The following TAF15 variants were observed in gnomAD, a reference collection of about 807,000 sequenced individuals.
The protein encoded by TAF15 is TATA-box binding protein associated factor 15.
A neutral mutation model predicts 102.5 loss-of-function variants in TAF15; 37 were observed. The ratio of observed to expected loss-of-function variants is 0.36; its 90% CI spans 0.28 to 0.47. TAF15 has a LOEUF of 0.47. Among genes scored for constraint, TAF15 ranks in the 20% least tolerant of loss-of-function variants. The pLI is 0.99. For missense variants in TAF15, 652 were observed against 760.7 expected, an observed-to-expected ratio of 0.86 and a Z score of 1.68; for synonymous variants, 273 against 259.2, an observed-to-expected ratio of 1.05 and a Z score of -0.51.
chr17:35,834,662 A>G (rs1292834390), intron 9 of TAF15, 64 bp downstream of exon 9: 7 of 1,533,520 alleles, frequency 4.6e-6, no homozygotes, highest in Non-Finnish European at 6.3e-6. Flanking sequence ...TTTGATGGGA[A>G]AAGTGTGTGT....
intron 7 of TAF15, among the ~76,000 whole-genome samples, chr17:35,828,743 AT>A (rs1188861374): frequency 6.7e-6 from 1 of 149,554 alleles, no homozygotes; most frequent in African/African-American, 2.5e-5. Context: ...GTCAAATTCC[AT>A]TTCCCCCTCC....
intron 10 of TAF15, among the ~76,000 whole-genome samples, chr17:35,837,127 A>T (rs894636036): frequency 2.4e-4 from 36 of 152,054 alleles, no homozygotes; most frequent in African/African-American, 7.7e-4. Flanking sequence ...GGAATTAATT[A>T]CACACAAAAT....
chr17:35,817,823 T>C lies in TAF15; in HGVS notation c.47+68T>C. ...GAGGTGAATTTTGTCAAGCTTCTTC[T>C]CTTGAGACTTGATGCTGGATGTCAT... On this transcript the variant is annotated intron_variant, in intron 2 of 15. Transcript: ENST00000605844. 3.0e-6 allele frequency: 4 copies of C among 1,354,464 alleles called. 1 individual carries two copies. In the South Asian group the frequency reaches 4.7e-5, roughly 16 times the overall value. The allele number at this position is 1,354,464 out of a possible 1,614,324, so 83.9% of individuals were successfully genotyped here.
chr17:35,835,639 C>T (rs2087464719), intron 9 of TAF15, among the ~76,000 whole-genome samples: 1 of 152,210 alleles, frequency 6.6e-6, no homozygotes, highest in African/African-American at 2.4e-5. Context: ...TACAAGGTGC[C>T]TCCGCACTCT....
intron 7 of TAF15, among the ~76,000 whole-genome samples, chr17:35,832,772 T>G (rs2087422675): frequency 1.3e-5 from 2 of 152,190 alleles, no homozygotes; most frequent in South Asian, 4.1e-4. Context: ...TGGATGGGTA[T>G]TTAAAGAGTT....
Position 35,809,517 on chromosome 17 carries a change from C to T in TAF15, c.-53C>T, listed in dbSNP as rs1323851397. ...TCCGGCCGCCGCGCCGCCTGGCTTT[C>T]GTATTCGTTGTTCTCGGCGGGCTGT... On this transcript the variant is annotated 5_prime_UTR_variant, in exon 1 of 16. Transcript: ENST00000605844. The T allele has an allele frequency of 1.6e-5, 25 of 1,611,884 alleles. No individual in the cohort carries two copies. The highest frequency in any genetic ancestry group is 4.5e-5 in the East Asian group (2 of 44,872).
rs1327485197 is a variant in TAF15, at chr17:35,809,486, T to G, written c.-84T>G. On this transcript the variant is annotated 5_prime_UTR_variant, in exon 1 of 16. Coordinates refer to ENST00000605844, the MANE Select transcript of TAF15 (RefSeq NM_139215.3). ...CCTCAGCCCGCCGCGCCGCCCTCAGTACAGCTCCGGCCGCCGCGCCGCCTG... is the reference window on the plus strand; with the variant it reads ...CCTCAGCCCGCCGCGCCGCCCTCAGGACAGCTCCGGCCGCCGCGCCGCCTG... 8 of 1,595,732 alleles carry G rather than the reference T, an allele frequency of 5.0e-6. No individual in the cohort carries two copies. Among genetic ancestry groups the G allele is most frequent in the Admixed American group, 1.7e-5 (1 of 59,414 alleles).
At chr17:35,836,386 T>G (rs2087475378) in intron 10 of TAF15, 145 bp downstream of exon 10, 4 of 627,422 alleles carry the variant, frequency 6.4e-6, no homozygotes, top group Non-Finnish European at 1.1e-5. Context: ...TGTAGACGTT[T>G]GCTAAATTTG....
At chr17:35,824,627 A>AGG (rs1177516018) in intron 7 of TAF15, among the ~76,000 whole-genome samples, 1 of 152,216 alleles carries the variant, frequency 6.6e-6, no homozygotes, top group Non-Finnish European at 1.5e-5. Flanking sequence ...AAGTATTAGG[A>AGG]GGCAGTAATG....
At chr17:35,811,488 T>C (rs2087123892) in intron 1 of TAF15, 1 of 152,248 alleles carries the variant, frequency 6.6e-6, no homozygotes, top group South Asian at 2.1e-4. Flanking sequence ...TTATATGTTT[T>C]GTAATAAGTG....
Position 35,820,390 on chromosome 17 carries a change from A to G in TAF15, c.243A>G (p.Gln81=), listed in dbSNP as rs759501848. The G allele has an allele frequency of 1.2e-6, 2 of 1,614,116 alleles. No individual in the cohort carries two copies. The highest frequency in any genetic ancestry group is 1.7e-6 in the Non-Finnish European group (2 of 1,179,956). The change falls in exon 5 of 16, where the codon CAA becomes CAG. Residue 81 remains glutamine, a synonymous_variant. Coordinates refer to ENST00000605844, the MANE Select transcript of TAF15 (RefSeq NM_139215.3). ...AAAAGCAGAGCTCATATAGCCAGCA[A>G]CCATATAATAACCAGGGACAGCAGC... ...ENQKQSSYSQ[Q]PYNNQGQQQN...
chr17:35,822,853 AT>A lies in TAF15; in HGVS notation c.484+22del. 1.2e-6 allele frequency: 2 copies of A among 1,612,382 alleles called. No homozygotes were observed. The highest frequency in any genetic ancestry group is 1.7e-6 in the Non-Finnish European group (2 of 1,178,384). ...CACAAGGTAAGATTTACTGACCTCT[AT>A]TATTATTTTTCCCCCTCTCAGAATT... On this transcript the variant is annotated intron_variant, in intron 6 of 15. Transcript: ENST00000605844.
intron 7 of TAF15, 90 bp downstream of exon 7, chr17:35,824,288 C>A: frequency 5.3e-6 from 8 of 1,517,146 alleles, no homozygotes; most frequent in Non-Finnish European, 7.1e-6. Flanking sequence ...ATTCCAGCAT[C>A]TAATTTAGTT....
At chr17:35,834,455 A>G in intron 8 of TAF15, 111 bp from the exon 9 acceptor site, 1 of 933,940 alleles carries the variant, frequency 1.1e-6, no homozygotes, top group South Asian at 1.5e-5. Context: ...GTTGACTTTC[A>G]AGGATTTTGG....
At chr17:35,825,462 A>G (rs1568257464) in intron 7 of TAF15, among the ~76,000 whole-genome samples, 1 of 152,226 alleles carries the variant, frequency 6.6e-6, no homozygotes, top group Non-Finnish European at 1.5e-5. Context: ...GATAACCAAC[A>G]GGTATATTTA....
rs1488955254 is a variant in TAF15, at chr17:35,844,849, G to A, written c.1550G>A (p.Gly517Glu). The part of the protein sequence containing the change: ...GYGGDRGGYG[G>E]DRGGYGGDRS... ...GGAGGAGATCGAGGAGGTTATGGAGGAGATCGAGGAGGCTATGGAGGAGAC... is the reference window on the plus strand; with the variant it reads ...GGAGGAGATCGAGGAGGTTATGGAGAAGATCGAGGAGGCTATGGAGGAGAC... The change falls in exon 15 of 16, where the codon GGA becomes GAA. Residue 517 changes from glycine (G) to glutamate (E), a missense_variant. Physicochemically the swap from Gly to Glu is moderately conservative, Grantham distance 98. Around this residue, in one of 3 missense-constraint regions of TAF15, gnomAD observed 368 missense variants for 367.5 expected, o/e 1.00. Transcript: ENST00000605844. 1.2e-6 allele frequency: 2 copies of A among 1,604,068 alleles called. No homozygotes were observed. The highest frequency in any genetic ancestry group is 1.7e-6 in the Non-Finnish European group (2 of 1,171,996).
At chr17:35,811,040 C>T (rs1273933663) in intron 1 of TAF15, 1 of 152,162 alleles carries the variant, frequency 6.6e-6, no homozygotes, top group Non-Finnish European at 1.5e-5. Flanking sequence ...CTTAGAAGTT[C>T]TTATAGTACA....
In TAF15 at chr17:35,844,843, A is replaced by G. The variant is rs1323089342; in HGVS notation, c.1544A>G (p.Tyr515Cys). ...GGTTACGGAGGAGATCGAGGAGGTT[A>G]TGGAGGAGATCGAGGAGGCTATGGA... Reference protein sequence around the residue: ...RGGYGGDRGGYGGDRGGYGGD... With the variant: ...RGGYGGDRGGCGGDRGGYGGD... Residue 515 changes from tyrosine to cysteine, a missense_variant, in exon 15 of 16, where the codon TAT (tyrosine) becomes TGT (cysteine). By Grantham distance (194) the Tyr-to-Cys change is radical (BLOSUM62 -2). Coordinates refer to ENST00000605844, the MANE Select transcript of TAF15 (RefSeq NM_139215.3). 5.0e-6 allele frequency: 8 copies of G among 1,600,844 alleles called. No homozygotes were observed. In the East Asian group the frequency reaches 9.0e-5, roughly 18 times the overall value.
At position 35,838,419 on chromosome 17, in the gene TAF15, C is replaced by T. The variant is rs575302688; in HGVS notation, c.784-5C>T. 3.1e-6 allele frequency: 5 copies of T among 1,613,840 alleles called. No individual in the cohort carries two copies. Among genetic ancestry groups the T allele is most frequent in the South Asian group, 2.2e-5 (2 of 91,062 alleles). Reference sequence around the variant, plus strand: ...CTAACACCAAGTGTTTCTGTTTTTCCTCAGACAAATAAGAAGACCGGAAAA... The same window carrying T: ...CTAACACCAAGTGTTTCTGTTTTTCTTCAGACAAATAAGAAGACCGGAAAA... On this transcript the variant is annotated splice_region_variant and splice_polypyrimidine_tract_variant and intron_variant, in intron 10 of 15. Transcript: ENST00000605844.
Sources: gnomAD v4.1 joint callset for allele counts (sites outside exome capture counted in the v4.1 genomes callset) on GRCh38, gnomAD v4.1.1 for gene constraint, gnomAD v4.1.1 regional missense constraint, MANE v1.5 for transcripts, NCBI Gene and HGNC (gene_info 2026-07-23, HGNC 2026-07-21) for gene names.